Variants in SKIC3 observed in about 807,000 individuals in gnomAD.
SKIC3 encodes the protein superkiller complex protein 3.
At chr5:95,551,374 T>C in the SKIC3 span, among the ~76,000 whole-genome samples, 1 of 152,122 alleles carries the variant, frequency 6.6e-6, no homozygotes, top group Non-Finnish European at 1.5e-5. Flanking sequence ...AAACAATGTT[T>C]AGGTGAGGCA....
chr5:95,498,482 G>C, the SKIC3 span: 1 of 1,614,166 alleles, frequency 6.2e-7, no homozygotes, highest in East Asian at 2.2e-5. Context: ...TGTTTGATGT[G>C]CTTCAGTAAC....
At chr5:95,523,309 G>A in the SKIC3 span, 1 of 1,613,370 alleles carries the variant, frequency 6.2e-7, no homozygotes, top group Non-Finnish European at 8.5e-7. Context: ...CTGTTGTTAG[G>A]ATAGCTAAAG....
chr5:95,525,796 T>C, the SKIC3 span: 1 of 878,228 alleles, frequency 1.1e-6, no homozygotes. Context: ...ATAGAGGTCC[T>C]GATTTCTATC....
chr5:95,490,443 GTATA>G, the SKIC3 span, among the ~76,000 whole-genome samples: 11 of 143,710 alleles, frequency 7.7e-5, no homozygotes, highest in South Asian at 2.4e-3. Flanking sequence ...ATTAAATAAT[GTATA>G]TATATATTTA....
chr5:95,481,193 C>T, the SKIC3 span, among the ~76,000 whole-genome samples: 435 of 152,208 alleles, frequency 2.9e-3, 2 homozygotes, highest in African/African-American at 0.01. Flanking sequence ...TTGGCTGTGT[C>T]CCCACCCAAA....
the SKIC3 span, among the ~76,000 whole-genome samples, chr5:95,493,561 T>C: frequency 1.3e-5 from 2 of 152,140 alleles, no homozygotes; most frequent in South Asian, 4.1e-4. Context: ...CTCTTTTTGT[T>C]TCTATGTCAA....
At chr5:95,522,429 G>C in the SKIC3 span, 1 of 1,228,866 alleles carries the variant, frequency 8.1e-7, no homozygotes, top group South Asian at 1.5e-5. Context: ...ACTTATAAAA[G>C]TGCTATTTAA....
the SKIC3 span, among the ~76,000 whole-genome samples, chr5:95,524,027 G>A: frequency 3.3e-5 from 5 of 152,076 alleles, no homozygotes; most frequent in Admixed American, 3.3e-4. Flanking sequence ...CTTATAGAAA[G>A]TAAAAGGAAA....
chr5:95,532,406 T>G, the SKIC3 span, among the ~76,000 whole-genome samples: 1 of 152,160 alleles, frequency 6.6e-6, no homozygotes, highest in Admixed American at 6.5e-5. Flanking sequence ...GGGTAACAAT[T>G]CTCTGCATAT....
At chr5:95,477,466 G>A in the SKIC3 span, among the ~76,000 whole-genome samples, 4 of 152,112 alleles carry the variant, frequency 2.6e-5, no homozygotes, top group Non-Finnish European at 5.9e-5. Flanking sequence ...GGCTGTCTAG[G>A]ATAATTTCTT....
the SKIC3 span, chr5:95,540,712 T>G: frequency 2.5e-5 from 41 of 1,614,020 alleles, no homozygotes; most frequent in African/African-American, 5.3e-4. Flanking sequence ...TTCATTATTC[T>G]GGTCCTCTGT....
the SKIC3 span, chr5:95,512,464 A>G: frequency 6.2e-7 from 1 of 1,612,850 alleles, no homozygotes; most frequent in Non-Finnish European, 8.5e-7. Context: ...CTATTATATA[A>G]CAGGTACCTT....
the SKIC3 span, among the ~76,000 whole-genome samples, chr5:95,484,428 C>A: frequency 2.0e-5 from 3 of 147,972 alleles, no homozygotes; most frequent in Admixed American, 6.9e-5. Flanking sequence ...CTCACTGCAA[C>A]GTCAAATTCC....
the SKIC3 span, chr5:95,504,014 T>A: frequency 2.7e-6 from 4 of 1,486,414 alleles, no homozygotes; most frequent in Admixed American, 3.6e-5. Context: ...TGAGATATAA[T>A]TACACTAAGT....
chr5:95,464,803 AGGAAAAGTGACTCTGT>A, the SKIC3 span: 14 of 729,236 alleles, frequency 1.9e-5, no homozygotes, highest in African/African-American at 2.3e-4. Context: ...AAACTATACT[AGGAAAAGTGACTCTGT>A]GCAATCTTTC....
At chr5:95,488,513 A>G in the SKIC3 span, among the ~76,000 whole-genome samples, 1 of 152,220 alleles carries the variant, frequency 6.6e-6, no homozygotes, top group African/African-American at 2.4e-5. Context: ...AGGCCAGTAG[A>G]GAATAAGATA....
chr5:95,521,361 C>T, the SKIC3 span: 3 of 153,166 alleles, frequency 2.0e-5, no homozygotes, highest in East Asian at 3.8e-4. Flanking sequence ...ATACAATATA[C>T]TATTTATGTG....
chr5:95,499,153 A>G, the SKIC3 span, among the ~76,000 whole-genome samples: 3 of 152,192 alleles, frequency 2.0e-5, no homozygotes, highest in African/African-American at 4.8e-5. Context: ...CCTAAGTGAT[A>G]TGGTTTGGAC....
the SKIC3 span, among the ~76,000 whole-genome samples, chr5:95,476,209 C>T: frequency 3.3e-5 from 5 of 152,198 alleles, no homozygotes; most frequent in Non-Finnish European, 5.9e-5. Flanking sequence ...CAAGTGCCAG[C>T]CACAGATCTC....
Sources: gnomAD v4.1 joint callset for allele counts (sites outside exome capture counted in the v4.1 genomes callset) on GRCh38, gnomAD v4.1.1 for gene constraint, MANE v1.5 for transcripts, NCBI Gene and HGNC (gene_info 2026-07-23, HGNC 2026-07-21) for gene names.